BIRC6: variants seen among roughly 807,000 people sequenced by gnomAD.
BIRC6 encodes the protein dual E2 ubiquitin-conjugating enzyme/E3 ubiquitin-protein ligase BIRC6.
In BIRC6, 98 loss-of-function variants were observed where a neutral mutation model predicts 503.3. The ratio of observed to expected loss-of-function variants is 0.19; its 90% CI spans 0.17 to 0.23. The LOEUF (loss-of-function observed/expected upper bound fraction) is 0.23. BIRC6 is among the 10% of genes least tolerant of loss of function. The pLI, the probability that BIRC6 is intolerant of heterozygous loss-of-function variation, is 1.00. For synonymous variants in BIRC6, 2,240 were observed against 2,078.7 expected, an observed-to-expected ratio of 1.08 and a Z score of -2.11; for missense variants, 5,360 against 5,806.0, an observed-to-expected ratio of 0.92 and a Z score of 2.50.
intron 70 of BIRC6, chr2:32,602,387 C>T (rs2062122556): frequency 6.6e-6 from 1 of 152,042 alleles, no homozygotes; most frequent in South Asian, 2.1e-4. Context: ...AAAAATTGAT[C>T]TCAATCAACG....
rs573993054 is a variant in BIRC6 at position 32,404,817 on chromosome 2, A to G, written c.1419-1682A>G. ...GCTGGGACTAAAGGCATGTACCACC[A>G]TGCCCAGCTAATTTTTTATTTTTTT... On this transcript the variant is annotated intron_variant, in intron 8 of 73. Coordinates refer to ENST00000421745, the MANE Select transcript of BIRC6 (RefSeq NM_016252.4). Among the ~76,000 whole-genome samples, 29 of 151,864 alleles carry G rather than the reference A, an allele frequency of 1.9e-4. No homozygotes were observed. In the South Asian group the frequency reaches 6.0e-3, roughly 32 times the overall value.
At chr2:32,455,058 A>G (rs566556518) in intron 23 of BIRC6, among the ~76,000 whole-genome samples, 10 of 152,316 alleles carry the variant, frequency 6.6e-5, no homozygotes, top group Non-Finnish European at 1.5e-4. Context: ...ATTATAAATC[A>G]GGACCTTTCG....
At chr2:32,531,581 C>A (rs1367250694) in intron 61 of BIRC6, 30 bp downstream of exon 61, 2 of 1,531,730 alleles carry the variant, frequency 1.3e-6, no homozygotes, top group South Asian at 2.4e-5. Flanking sequence ...TCGAGTATAT[C>A]ATTCCATAGC....
In BIRC6 at chr2:32,401,157, G is replaced by T; in HGVS notation, c.1035-6G>T. 6.2e-7 allele frequency: 1 copy of T among 1,611,658 alleles called. No homozygotes were observed. Among genetic ancestry groups the T allele is most frequent in the Non-Finnish European group, 8.5e-7 (1 of 1,177,860 alleles). On this transcript the variant is annotated splice_polypyrimidine_tract_variant and splice_region_variant and intron_variant, in intron 6 of 73. Transcript: ENST00000421745. The stretch of plus-strand genomic sequence containing the variant: ...GTAAACTTTTCCTTTCTAAATCTAT[G>T]CAAAGGTCTGAACACGAAAGACATT...
At chr2:32,509,618 G>A (rs1428739601) in intron 51 of BIRC6, 120 bp from the exon 52 acceptor site, 38 of 1,126,280 alleles carry the variant, frequency 3.4e-5, no homozygotes, top group Non-Finnish European at 4.8e-5. Flanking sequence ...AAAAAAACAT[G>A]TCTTAGATTG....
chr2:32,425,094 T>C (rs1431883636), intron 10 of BIRC6, among the ~76,000 whole-genome samples: 1 of 82,072 alleles, frequency 1.2e-5, no homozygotes, highest in African/African-American at 4.3e-5. Context: ...TTGTCCACTT[T>C]TGAATTTTTT....
At chr2:32,401,688 A>C in intron 8 of BIRC6, 65 bp downstream of exon 8, 2 of 1,384,882 alleles carry the variant, frequency 1.4e-6, no homozygotes, top group Non-Finnish European at 2.0e-6. Context: ...TTATATTCTC[A>C]TAGTTCTAAT....
intron 4 of BIRC6, among the ~76,000 whole-genome samples, chr2:32,389,179 G>A (rs1445933054): frequency 6.6e-6 from 1 of 152,026 alleles, no homozygotes; most frequent in Non-Finnish European, 1.5e-5. Flanking sequence ...GGTATTTGAA[G>A]GGATTATAAA....
rs773445982 is a variant in BIRC6 at position 32,468,023 on chromosome 2, C to T, written c.5692C>T (p.Leu1898=). The stretch of plus-strand genomic sequence containing the variant: ...TGAACTGAAGTTAATGCATGATCCT[C>T]TAAAGGGAGAGGGAGAATCTGCAAA... ...ESELKLMHDP[L]KGEGESANQP... Residue 1898 remains leucine (L), a synonymous_variant, in exon 28 of 74, where the codon CTA becomes TTA. Coordinates refer to ENST00000421745, the MANE Select transcript of BIRC6 (RefSeq NM_016252.4). 6.2e-7 allele frequency: 1 copy of T among 1,613,816 alleles called. No individual in the cohort carries two copies. The highest frequency in any genetic ancestry group is 8.5e-7 in the Non-Finnish European group (1 of 1,179,842).
chr2:32,607,091 A>C (rs1298886727), intron 71 of BIRC6, among the ~76,000 whole-genome samples: 1 of 151,976 alleles, frequency 6.6e-6, no homozygotes, highest in Non-Finnish European at 1.5e-5. Flanking sequence ...TGAGTTGTTT[A>C]AACTCATAAA....
rs184451632 is a variant in BIRC6, at chr2:32,418,902, C to T, written c.2872+2739C>T. 3.6e-4 allele frequency among the ~76,000 whole-genome samples: 55 copies of T among 152,236 alleles called. 1 individual carries two copies. The South Asian group carries it at 5.0e-3, about 14-fold the overall frequency. ...GGAGAAGGTTGCAGTGAGCTGAGAT[C>T]GCGTCACTTCACTCCAGCCTAGGCT... On this transcript the variant is annotated intron_variant, in intron 10 of 73. Coordinates refer to ENST00000421745, the MANE Select transcript of BIRC6 (RefSeq NM_016252.4).
chr2:32,505,041 C>CTGA lies in BIRC6; in HGVS notation c.9537_9539dup (p.Ala3179_Glu3180insAsp). Reference sequence around the variant, plus strand: ...TCTAGCAGTCCTACTGCCCAACCAGCTGAAGTGCTATTGCAGGCCACACCT... The same window carrying CTGA: ...TCTAGCAGTCCTACTGCCCAACCAGCTGATGAAGTGCTATTGCAGGCCACACCT... On this transcript the variant is annotated inframe_insertion, in exon 50 of 74. Transcript: ENST00000421745. The CTGA allele has an allele frequency of 6.2e-7, 1 of 1,613,830 alleles. No individual in the cohort carries two copies. Among genetic ancestry groups the CTGA allele is most frequent in the Non-Finnish European group, 8.5e-7 (1 of 1,179,802 alleles).
chr2:32,596,647 A>G (rs945454092), intron 68 of BIRC6, among the ~76,000 whole-genome samples: 1 of 152,022 alleles, frequency 6.6e-6, no homozygotes, highest in Non-Finnish European at 1.5e-5. Context: ...GTTTCCAGAC[A>G]TATGTTTGTG....
Position 32,543,312 on chromosome 2 carries a change from C to G in BIRC6, c.12363C>G (p.Thr4121=). 1 of 1,613,936 alleles carries G rather than the reference C, an allele frequency of 6.2e-7. No individual in the cohort carries two copies. The highest frequency in any genetic ancestry group is 8.5e-7 in the Non-Finnish European group (1 of 1,179,874). Residue 4121 remains threonine, a synonymous_variant, in exon 62 of 74, where the codon ACC becomes ACG. Transcript: ENST00000421745. The stretch of plus-strand genomic sequence containing the variant: ...ATAGCGATCAGTTTGAATGGGTGAC[C>G]ATTGAACAGTCAGGGGAGTTAGTTT... ...PKDSDQFEWV[T]IEQSGELVYE...
At chr2:32,421,936 C>G (rs2042992391) in intron 10 of BIRC6, among the ~76,000 whole-genome samples, 1 of 152,186 alleles carries the variant, frequency 6.6e-6, no homozygotes, top group African/African-American at 2.4e-5. Context: ...AAATCCCTAA[C>G]TATGTTTTTG....
intron 35 of BIRC6, 132 bp downstream of exon 35, chr2:32,477,715 G>A (rs1446656556): frequency 6.7e-6 from 3 of 449,324 alleles, no homozygotes; most frequent in African/African-American, 6.6e-5. Context: ...TGTGGGCAAT[G>A]TGGCAAAACC....
At chr2:32,460,496 C>T (rs978579060) in intron 23 of BIRC6, among the ~76,000 whole-genome samples, 4 of 151,206 alleles carry the variant, frequency 2.6e-5, no homozygotes, top group East Asian at 1.9e-4. Context: ...AGGCTGGTCT[C>T]GAATTCCGGA....
chr2:32,578,803 A>AATAAATAC (rs529841805), intron 66 of BIRC6, among the ~76,000 whole-genome samples: 11 of 140,782 alleles, frequency 7.8e-5, no homozygotes, highest in African/African-American at 1.4e-4. Context: ...TGTCTCAAAA[A>AATAAATAC]ATACATACAT....
intron 57 of BIRC6, among the ~76,000 whole-genome samples, chr2:32,521,201 G>A (rs909776705): frequency 6.6e-6 from 1 of 151,442 alleles, no homozygotes; most frequent in East Asian, 1.9e-4. Flanking sequence ...AGATCAACAT[G>A]TATAAGAATA....
Sources: gnomAD v4.1 joint callset for allele counts (sites outside exome capture counted in the v4.1 genomes callset) on GRCh38, gnomAD v4.1.1 for gene constraint, MANE v1.5 for transcripts, NCBI Gene and HGNC (gene_info 2026-07-23, HGNC 2026-07-21) for gene names.